The following ERCC6 variants were observed in gnomAD, a reference collection of about 807,000 sequenced individuals.
ERCC6 encodes the protein DNA excision repair protein ERCC-6.
Under a neutral mutation model 158.7 loss-of-function variants are expected in ERCC6, and 116 were observed. The ratio of observed to expected loss-of-function variants is 0.73; its 90% CI spans 0.63 to 0.85. The LOEUF (loss-of-function observed/expected upper bound fraction) is 0.85. Ranked by LOEUF, ERCC6 falls within the 40% of genes least tolerant of loss-of-function variation. The pLI is 0.00. For synonymous variants in ERCC6, 678 were observed against 659.3 expected (o/e 1.03, Z -0.43); for missense variants, 1,698 against 1,799.4 (o/e 0.94, Z 1.02).
intron 10 of ERCC6, among the ~76,000 whole-genome samples, chr10:49,480,096 T>G (rs1350680229): frequency 6.6e-6 from 1 of 152,168 alleles, no homozygotes; most frequent in South Asian, 2.1e-4. Context: ...CAGGCTCTTC[T>G]CAGTTCTCAC....
At chr10:49,450,977 A>G (rs999276790), downstream of ERCC6, among the ~76,000 whole-genome samples, 1 of 151,824 alleles carries the variant, frequency 6.6e-6, no homozygotes, top group Admixed American at 6.6e-5. Flanking sequence ...ACGCCTGGCT[A>G]ATTTTTTGTA....
At position 49,513,653 on chromosome 10, in the gene ERCC6, C is replaced by G. The variant is rs1038745653; in HGVS notation, c.1398-7641G>C. Among the ~76,000 whole-genome samples, 6 of 152,100 alleles carry G rather than the reference C, an allele frequency of 3.9e-5. 1 individual carries two copies. Among genetic ancestry groups the G allele is most frequent in the African/African-American group, 1.4e-4 (6 of 41,416 alleles). ...CGGCAGGAGGAAGTGAGTGCAAGCACAGGAAAAACTTCCACTTTTAAAACC... is the reference window on the plus strand; with the variant it reads ...CGGCAGGAGGAAGTGAGTGCAAGCAGAGGAAAAACTTCCACTTTTAAAACC... On this transcript the variant is annotated intron_variant, in intron 5 of 20. Transcript: ENST00000355832.
downstream of ERCC6, among the ~76,000 whole-genome samples, chr10:49,451,490 A>T (rs947716665): frequency 2.0e-5 from 3 of 152,312 alleles, no homozygotes; most frequent in East Asian, 1.9e-4. Flanking sequence ...TTATGATGAA[A>T]GGGTGTTGGA....
At position 49,506,009 on chromosome 10, in the gene ERCC6, T is replaced by C. The variant is rs768367162; in HGVS notation, c.1401A>G (p.Arg467=). Residue 467 remains arginine, a synonymous_variant, in exon 6 of 21, where the codon AGA becomes AGG. Coordinates refer to ENST00000355832, the MANE Select transcript of ERCC6 (RefSeq NM_000124.4). ...TGTCCTGCAGTCTCAGTTTATTCCA[T>C]CTCCTACCATGAAAATAAAAATCAC... ...DEDYYKQRLR[R]WNKLRLQDKE... is the part of the protein sequence containing the mutation. 4.3e-6 allele frequency: 7 copies of C among 1,612,988 alleles called. No individual in the cohort carries two copies. The Admixed American group carries it at 1.0e-4, about 23-fold the overall frequency.
chr10:49,519,893 C>G (rs1337041564), intron 5 of ERCC6, among the ~76,000 whole-genome samples: 1 of 152,194 alleles, frequency 6.6e-6, no homozygotes, highest in Non-Finnish European at 1.5e-5. Context: ...TCCTCCCACT[C>G]TGCACCTGCT....
At chr10:49,449,334 A>G (rs1850393329), downstream of ERCC6, among the ~76,000 whole-genome samples, 1 of 152,104 alleles carries the variant, frequency 6.6e-6, no homozygotes, top group South Asian at 2.1e-4. Context: ...AGTCTTTATT[A>G]GATATGATTC....
Position 49,521,150 on chromosome 10 carries a change from T to C in ERCC6, c.1397+2883A>G, listed in dbSNP as rs147441836. Among the ~76,000 whole-genome samples the C allele has an allele frequency of 1.3e-3, 203 of 152,334 alleles. 3 individuals carry two copies. The South Asian group carries it at 0.018, about 13-fold the overall frequency. On this transcript the variant is annotated intron_variant, in intron 5 of 20. Transcript: ENST00000355832. ...AGTCCAAGGATGCAGACATGCATTGTTGACATGAAAGCAAAGATAAAGCTA... is the reference window on the plus strand; with the variant it reads ...AGTCCAAGGATGCAGACATGCATTGCTGACATGAAAGCAAAGATAAAGCTA...
In ERCC6 at chr10:49,535,556, GTTAACAA is replaced by G. The variant is rs1837576804; in HGVS notation, c.-14-2585_-14-2579del. ...CTCAGAGTGTCTGTACTAGCTGGCA[GTTAACAA>G]TTCTGTTTTCATTTTTCTTATTTGT... On this transcript the variant is annotated intron_variant, in intron 1 of 20. Transcript: ENST00000355832. Among the ~76,000 whole-genome samples, 9 of 152,208 alleles carry G rather than the reference GTTAACAA, an allele frequency of 5.9e-5. No individual in the cohort carries two copies. In the South Asian group the frequency reaches 1.9e-3, roughly 32 times the overall value.
intron 7 of ERCC6, among the ~76,000 whole-genome samples, chr10:49,494,191 G>T (rs1374432180): frequency 6.6e-6 from 1 of 152,124 alleles, no homozygotes; most frequent in African/African-American, 2.4e-5. Flanking sequence ...CACATTGTAT[G>T]ATCTCGGGCA....
At chr10:49,507,987 A>T (rs1851473150) in intron 5 of ERCC6, among the ~76,000 whole-genome samples, 1 of 51,756 alleles carries the variant, frequency 1.9e-5, no homozygotes, top group African/African-American at 5.6e-5. Context: ...CCTGATACAC[A>T]TATCTGAATT....
intron 7 of ERCC6, among the ~76,000 whole-genome samples, chr10:49,500,158 A>G (rs1332336936): frequency 2.0e-5 from 3 of 152,244 alleles, no homozygotes; most frequent in Non-Finnish European, 4.4e-5. Context: ...AATTTAATAA[A>G]TGGAACTAAA....
chr10:49,522,986 A>C (rs1837210162), intron 5 of ERCC6, among the ~76,000 whole-genome samples: 1 of 152,168 alleles, frequency 6.6e-6, no homozygotes, highest in Non-Finnish European at 1.5e-5. Context: ...TCTATTTCGG[A>C]AAGGTTATGG....
At chr10:49,514,301 T>C (rs907618505) in intron 5 of ERCC6, among the ~76,000 whole-genome samples, 10 of 152,210 alleles carry the variant, frequency 6.6e-5, no homozygotes, top group Non-Finnish European at 1.3e-4. Context: ...TAGCAGTTCT[T>C]TGAACTATAC....
At chr10:49,529,761 G>A (rs144548542) in intron 3 of ERCC6, among the ~76,000 whole-genome samples, 350 of 152,180 alleles carry the variant, frequency 2.3e-3, no homozygotes, top group African/African-American at 7.6e-3. Flanking sequence ...GCACAAGTTG[G>A]GATGGCAGAA....
At chr10:49,515,420 A>G (rs750643538) in intron 5 of ERCC6, 9 of 1,614,178 alleles carry the variant, frequency 5.6e-6, no homozygotes, top group African/African-American at 1.3e-5. Context: ...TATGACATTC[A>G]GCGCATCGCG....
At chr10:49,498,173 T>A (rs966184081) in intron 7 of ERCC6, among the ~76,000 whole-genome samples, 8 of 152,144 alleles carry the variant, frequency 5.3e-5, no homozygotes, top group African/African-American at 7.2e-5. Context: ...ACACATTTTT[T>A]AAAAAATAAC....
chr10:49,436,016 GAAA>G, the ERCC6 span, among the ~76,000 whole-genome samples: 55,344 of 106,374 alleles, frequency 0.52, 11,118 homozygotes, highest in South Asian at 0.62. Context: ...AAGAAAGAAA[GAAA>G]AAAAAAAAAA....
At position 49,457,135 on chromosome 10, in the gene ERCC6, T is replaced by C. The variant is rs1013422547; in HGVS notation, c.*1680A>G. 2 of 152,106 alleles carry C rather than the reference T, an allele frequency of 1.3e-5. No individual in the cohort carries two copies. Among genetic ancestry groups the C allele is most frequent in the African/African-American group, 4.8e-5 (2 of 41,420 alleles). 9.4% of individuals were successfully genotyped at this position (152,106 alleles called of 1,614,324 possible). On this transcript the variant is annotated 3_prime_UTR_variant, in exon 21 of 21. Coordinates refer to ENST00000355832, the MANE Select transcript of ERCC6 (RefSeq NM_000124.4). The stretch of plus-strand genomic sequence containing the variant: ...CCTTATAGGCTAATGATTATAAAAA[T>C]AGAAATTAAGAGCTCCCCAGAAACA...
chr10:49,488,861 G>A (rs549639180), intron 8 of ERCC6, among the ~76,000 whole-genome samples: 7 of 152,178 alleles, frequency 4.6e-5, no homozygotes, highest in African/African-American at 1.7e-4. Flanking sequence ...TCAGCTCACT[G>A]CAAGTTCCGC....
Sources: gnomAD v4.1 joint callset for allele counts (sites outside exome capture counted in the v4.1 genomes callset) on GRCh38, gnomAD v4.1.1 for gene constraint, MANE v1.5 for transcripts, NCBI Gene and HGNC (gene_info 2026-07-23, HGNC 2026-07-21) for gene names.